Variants in ARHGAP26 observed in about 807,000 individuals in gnomAD.
ARHGAP26 encodes rho GTPase-activating protein 26.
Under a neutral mutation model 104.8 loss-of-function variants are expected in ARHGAP26, and 38 were observed. The ratio of observed to expected loss-of-function variants is 0.36; its 90% CI spans 0.28 to 0.48. The LOEUF is 0.48. ARHGAP26 is among the 20% of genes least tolerant of loss of function. The pLI is 0.99. For missense variants in ARHGAP26, 704 were observed against 947.9 expected (o/e 0.74, Z 3.38); for synonymous variants, 341 against 340.0 (o/e 1.00, Z -0.03).
chr5:143,028,755 T>C (rs1199495410), intron 12 of ARHGAP26, among the ~76,000 whole-genome samples: 1 of 152,256 alleles, frequency 6.6e-6, no homozygotes, highest in Non-Finnish European at 1.5e-5. Flanking sequence ...CAGGTCTGTC[T>C]GGCTTTATAG....
chr5:143,022,124 T>G (rs1780423505), intron 12 of ARHGAP26, among the ~76,000 whole-genome samples: 1 of 152,280 alleles, frequency 6.6e-6, no homozygotes, highest in Middle Eastern at 3.4e-3. Context: ...CAGGCTGGAG[T>G]GCAGTGGTGT....
intron 9 of ARHGAP26, 97 bp downstream of exon 9, chr5:142,907,901 GTTTC>G: frequency 1.4e-6 from 1 of 697,328 alleles, no homozygotes; most frequent in Non-Finnish European, 2.1e-6. Context: ...TTATATTTAT[GTTTC>G]ATCATAAATT....
chr5:143,020,345 G>C (rs1780144301), intron 12 of ARHGAP26, among the ~76,000 whole-genome samples: 1 of 152,158 alleles, frequency 6.6e-6, no homozygotes, highest in Non-Finnish European at 1.5e-5. Flanking sequence ...TACCTTTAAA[G>C]CTCATGTGAT....
chr5:142,887,040 G>A (rs1262009294), intron 5 of ARHGAP26, among the ~76,000 whole-genome samples: 1 of 152,240 alleles, frequency 6.6e-6, no homozygotes, highest in Non-Finnish European at 1.5e-5. Context: ...AGAGTATTCA[G>A]AGTTGAGCAG....
chr5:142,862,392 C>G (rs1420930768), intron 1 of ARHGAP26, among the ~76,000 whole-genome samples: 1 of 152,198 alleles, frequency 6.6e-6, no homozygotes, highest in Non-Finnish European at 1.5e-5. Flanking sequence ...ATTAATTTGG[C>G]TGGAAATGTA....
intron 11 of ARHGAP26, among the ~76,000 whole-genome samples, chr5:142,963,943 A>C (rs976156796): frequency 1.3e-5 from 2 of 152,248 alleles, no homozygotes; most frequent in Non-Finnish European, 2.9e-5. Flanking sequence ...TTAAAAAGTA[A>C]CCAGAATTCA....
chr5:142,890,150 AAATATATATATAT>A lies in ARHGAP26; in HGVS notation c.487-4086_487-4074del, dbSNP rs1758381578. ...AAACTCCGTCTTAAAAAAAAAAAAA[AAATATATATATAT>A]ATATATATATATATATATATATATA... is the stretch of plus-strand genomic sequence containing the variant. On this transcript the variant is annotated intron_variant, in intron 5 of 22. Transcript: ENST00000645722. Among the ~76,000 whole-genome samples the A allele has an allele frequency of 8.5e-5, 6 of 70,958 alleles. No homozygotes were observed. The South Asian group carries it at 1.4e-3, about 17-fold the overall frequency. 46.6% of individuals were successfully genotyped at this position (70,958 alleles called of 152,430 possible). A position where few individuals can be genotyped will look rare whatever the true frequency, so the allele number is the denominator to read the frequency against.
chr5:143,172,019 G>A (rs1326089754), intron 20 of ARHGAP26, among the ~76,000 whole-genome samples: 3 of 152,102 alleles, frequency 2.0e-5, no homozygotes, highest in Non-Finnish European at 4.4e-5. Flanking sequence ...TTACAGTGTG[G>A]GTGTTATGTC....
chr5:143,025,395 T>G (rs972001952), intron 12 of ARHGAP26, among the ~76,000 whole-genome samples: 3 of 152,124 alleles, frequency 2.0e-5, no homozygotes, highest in Non-Finnish European at 4.4e-5. Context: ...AGAAGACAGA[T>G]AGGTAAAGGC....
chr5:142,916,367 C>T (rs116426566), intron 10 of ARHGAP26, among the ~76,000 whole-genome samples: 2,087 of 152,158 alleles, frequency 0.014, 49 homozygotes, highest in African/African-American at 0.047. Flanking sequence ...AGTTGATTAC[C>T]GTACATCAAC....
chr5:142,784,425 C>T (rs976638570), intron 1 of ARHGAP26, among the ~76,000 whole-genome samples: 14 of 152,276 alleles, frequency 9.2e-5, no homozygotes, highest in Admixed American at 5.2e-4. Flanking sequence ...TGCTTGAAAC[C>T]GTACGTAATT....
intron 11 of ARHGAP26, among the ~76,000 whole-genome samples, chr5:142,965,785 G>C (rs1383880228): frequency 6.6e-6 from 1 of 152,194 alleles, no homozygotes; most frequent in African/African-American, 2.4e-5. Context: ...CAGTAGCCTA[G>C]GTGCCATACT....
intron 1 of ARHGAP26, among the ~76,000 whole-genome samples, chr5:142,853,936 C>T (rs1048185017): frequency 3.9e-5 from 6 of 152,168 alleles, no homozygotes; most frequent in East Asian, 3.9e-4. Context: ...ACGAATGAAG[C>T]TGTGAGCAGG....
chr5:142,893,666 A>G (rs1027794561), intron 5 of ARHGAP26, among the ~76,000 whole-genome samples: 6 of 152,170 alleles, frequency 3.9e-5, no homozygotes, highest in African/African-American at 1.2e-4. Flanking sequence ...TTTTTGAGAA[A>G]TCTCCATACT....
rs538658828 is a variant in ARHGAP26 at position 142,836,727 on chromosome 5, G to A, written c.155-36673G>A. ...ATTGCAAATATAAATAAGACTTTAT[G>A]GTTCATGTTGTTATTGCCACCCTTC... On this transcript the variant is annotated intron_variant, in intron 1 of 22. Transcript: ENST00000645722. Among the ~76,000 whole-genome samples the A allele has an allele frequency of 3.9e-5, 6 of 152,302 alleles. No individual in the cohort carries two copies. In the South Asian group the frequency reaches 8.3e-4, roughly 21 times the overall value.
Position 142,897,515 on chromosome 5 carries a change from G to A in ARHGAP26, c.597+3167G>A, listed in dbSNP as rs138816437. Among the ~76,000 whole-genome samples the A allele has an allele frequency of 5.9e-5, 9 of 152,284 alleles. No individual in the cohort carries two copies. In the East Asian group the frequency reaches 1.3e-3, roughly 23 times the overall value. On this transcript the variant is annotated intron_variant, in intron 6 of 22. Coordinates refer to ENST00000645722, the MANE Select transcript of ARHGAP26 (RefSeq NM_001135608.3). ...ATCAGTGATTCTCAGTGTTAGACAT[G>A]CACATTCTCAGGCTTCACTCCAGAC...
chr5:142,923,857 C>CTTTTTT (rs11389284), intron 10 of ARHGAP26, among the ~76,000 whole-genome samples: 44 of 105,848 alleles, frequency 4.2e-4, no homozygotes, highest in East Asian at 1.5e-3. Flanking sequence ...GGATCAGATC[C>CTTTTTT]TTTTTTTTTT....
At chr5:142,851,796 G>A (rs181728010) in intron 1 of ARHGAP26, among the ~76,000 whole-genome samples, 103 of 152,192 alleles carry the variant, frequency 6.8e-4, no homozygotes, top group Middle Eastern at 3.4e-3. Flanking sequence ...GTGCTCTTTC[G>A]GCATGGCCTT....
chr5:143,010,973 G>A (rs1778635712), intron 11 of ARHGAP26: 1 of 152,160 alleles, frequency 6.6e-6, no homozygotes, highest in Non-Finnish European at 1.5e-5. Flanking sequence ...AACTTTCCAA[G>A]GTTAGTGAAT....
Sources: allele counts gnomAD v4.1 joint callset (sites outside exome capture counted in the v4.1 genomes callset), GRCh38; gene constraint gnomAD v4.1.1; transcripts MANE v1.5; gene names NCBI Gene and HGNC (gene_info 2026-07-23, HGNC 2026-07-21).